NPR3: variants seen among roughly 807,000 people sequenced by gnomAD.
The protein encoded by NPR3 is natriuretic peptide receptor 3.
NPR3 carries 34 observed loss-of-function variants against 54.5 expected under a neutral mutation model. The observed-to-expected ratio is 0.62, with a 90% confidence interval of 0.47 to 0.83. The LOEUF (loss-of-function observed/expected upper bound fraction) is 0.83, where lower values mean the gene tolerates loss of function less well. NPR3 is among the 40% of genes least tolerant of loss of function. The pLI, the probability that NPR3 is intolerant of heterozygous loss-of-function variation, is 0.00. For synonymous variants in NPR3, 289 were observed against 297.1 expected, an observed-to-expected ratio of 0.97 and a Z score of 0.28; for missense variants, 674 against 720.8, an observed-to-expected ratio of 0.94 and a Z score of 0.74.
At chr5:32,762,021 T>G (rs1050957442) in intron 3 of NPR3, among the ~76,000 whole-genome samples, 2 of 152,156 alleles carry the variant, frequency 1.3e-5, no homozygotes, top group Admixed American at 1.3e-4. Context: ...CAACTCCCAC[T>G]TATGAGTGAG....
At chr5:32,778,252 T>G (rs1272398534) in intron 4 of NPR3, among the ~76,000 whole-genome samples, 6 of 152,214 alleles carry the variant, frequency 3.9e-5, no homozygotes, top group Admixed American at 2.6e-4. Context: ...TTTGTTTAAA[T>G]GTAAAGATAA....
At position 32,760,122 on chromosome 5, in the gene NPR3, G is replaced by C. The variant is rs141572836; in HGVS notation, c.1060-14586G>C. Reference sequence around the variant, plus strand: ...TTGTTTATCTATTCTTCTGTTGATGGATGTTTTTTTTTTTCCAGTTTGGAA... The same window carrying C: ...TTGTTTATCTATTCTTCTGTTGATGCATGTTTTTTTTTTTCCAGTTTGGAA... On this transcript the variant is annotated intron_variant, in intron 3 of 7. Transcript: ENST00000265074. Among the ~76,000 whole-genome samples, 106 of 149,460 alleles carry C rather than the reference G, an allele frequency of 7.1e-4. No homozygotes were observed. The East Asian group carries it at 0.02, about 29-fold the overall frequency.
chr5:32,756,761 C>A (rs1042018312), intron 3 of NPR3, among the ~76,000 whole-genome samples: 6 of 151,992 alleles, frequency 3.9e-5, no homozygotes, highest in African/African-American at 1.4e-4. Context: ...TCTTTAATCC[C>A]TCTTGAATTA....
At chr5:32,761,012 C>A (rs1013859664) in intron 3 of NPR3, among the ~76,000 whole-genome samples, 2 of 152,044 alleles carry the variant, frequency 1.3e-5, no homozygotes, top group African/African-American at 4.8e-5. Flanking sequence ...TTATTCTGTT[C>A]CATTTATCTA....
Position 32,739,009 on chromosome 5 carries a change from A to G in NPR3, c.1038A>G (p.Gln346=), listed in dbSNP as rs1292864965. ...AGGTGAAAAGTTCAGTTGAGAAACA[A>G]GGGCTCAATATGGAGGATTACGTAA... ...SMEVKSSVEK[Q]GLNMEDYVNM... The change falls in exon 3 of 8, where the codon CAA becomes CAG. Residue 346 remains glutamine (Q), a synonymous_variant. Coordinates refer to ENST00000265074, the MANE Select transcript of NPR3 (RefSeq NM_001204375.2). 1.2e-6 allele frequency: 2 copies of G among 1,613,840 alleles called. No individual in the cohort carries two copies. Among genetic ancestry groups the G allele is most frequent in the South Asian group, 1.1e-5 (1 of 91,072 alleles).
intron 3 of NPR3, among the ~76,000 whole-genome samples, chr5:32,751,026 G>A (rs1740548237): frequency 6.6e-6 from 1 of 152,082 alleles, no homozygotes; most frequent in South Asian, 2.1e-4. Context: ...TTAAAAATGC[G>A]TCTTTCCTAC....
At chr5:32,784,371 T>G (rs150683349) in intron 6 of NPR3, among the ~76,000 whole-genome samples, 43 of 152,296 alleles carry the variant, frequency 2.8e-4, no homozygotes, top group African/African-American at 9.6e-4. Flanking sequence ...GTATTTTTAG[T>G]AGAGATAGGG....
intron 1 of NPR3, among the ~76,000 whole-genome samples, chr5:32,717,178 T>A (rs1018811718): frequency 7.2e-5 from 11 of 152,218 alleles, no homozygotes; most frequent in Non-Finnish European, 1.6e-4. Flanking sequence ...GCAAAGGACA[T>A]GAACTCAGCC....
At chr5:32,740,261 G>C (rs1739970443) in intron 3 of NPR3, among the ~76,000 whole-genome samples, 1 of 152,152 alleles carries the variant, frequency 6.6e-6, no homozygotes, top group Non-Finnish European at 1.5e-5. Flanking sequence ...AAATTGCTCA[G>C]TTTCCCCGAT....
intron 1 of NPR3, among the ~76,000 whole-genome samples, chr5:32,718,316 A>G (rs192533201): frequency 3.6e-4 from 55 of 152,302 alleles, no homozygotes; most frequent in African/African-American, 1.3e-3. Flanking sequence ...TTGTCTTGGC[A>G]ATGCCAGCTC....
chr5:32,738,547 A>C (rs11749556), intron 2 of NPR3, among the ~76,000 whole-genome samples: 8,883 of 152,276 alleles, frequency 0.058, 295 homozygotes, highest in Non-Finnish European at 0.072. Context: ...ATAAAAACTG[A>C]GTTCTTTCTC....
chr5:32,734,588 A>C (rs1739631124), intron 2 of NPR3, among the ~76,000 whole-genome samples: 1 of 152,286 alleles, frequency 6.6e-6, no homozygotes, highest in South Asian at 2.1e-4. Flanking sequence ...GCTTTCCTCA[A>C]GGTCACCAGT....
chr5:32,758,890 C>T lies in NPR3; in HGVS notation c.1060-15818C>T, dbSNP rs1240894873. On this transcript the variant is annotated intron_variant, in intron 3 of 7. Coordinates refer to ENST00000265074, the MANE Select transcript of NPR3 (RefSeq NM_001204375.2). ...AGTAGTCATTCAGGAGCAGGTTGTT[C>T]AGTTTCCATGTAGTTGAGCAGTTTT... Among the ~76,000 whole-genome samples, 2 of 152,158 alleles carry T rather than the reference C, an allele frequency of 1.3e-5. 1 individual carries two copies. Among genetic ancestry groups the T allele is most frequent in the Non-Finnish European group, 2.9e-5 (2 of 68,030 alleles).
chr5:32,773,758 C>T (rs1426804093), intron 3 of NPR3, among the ~76,000 whole-genome samples: 1 of 152,146 alleles, frequency 6.6e-6, no homozygotes, highest in Non-Finnish European at 1.5e-5. Flanking sequence ...ACTTTAAAGC[C>T]CACATAATAT....
At chr5:32,704,112 T>C (rs1352919145) in intron 1 of NPR3, among the ~76,000 whole-genome samples, 1 of 152,184 alleles carries the variant, frequency 6.6e-6, no homozygotes, top group Admixed American at 6.5e-5. Context: ...TTCTGCCCAG[T>C]ATTTCTTTCT....
Position 32,739,124 on chromosome 5 carries a change from C to A in NPR3, c.1059+94C>A, listed in dbSNP as rs932553348. 5 of 1,263,990 alleles carry A rather than the reference C, an allele frequency of 4.0e-6. No individual in the cohort carries two copies. In the African/African-American group the frequency reaches 4.5e-5, roughly 11 times the overall value. The allele number at this position is 1,263,990 out of a possible 1,614,324, so 78.3% of individuals were successfully genotyped here. A position where few individuals can be genotyped will look rare whatever the true frequency, so the allele number is the denominator to read the frequency against. ...ACAGAGTGTCCCATTCTGAGCCATT[C>A]AAAAATTCCTAGGTTCAGGTCTGAA... On this transcript the variant is annotated intron_variant, in intron 3 of 7. Coordinates refer to ENST00000265074, the MANE Select transcript of NPR3 (RefSeq NM_001204375.2).
rs578091447 is a variant in NPR3 at position 32,740,471 on chromosome 5, A to G, written c.1059+1441A>G. ...ACATTTTATTAATGTTTTAAATGTT[A>G]CATATACTATATTCACATCATTTAA... On this transcript the variant is annotated intron_variant, in intron 3 of 7. Transcript: ENST00000265074. Among the ~76,000 whole-genome samples the G allele has an allele frequency of 6.0e-4, 92 of 152,314 alleles. 1 individual carries two copies. Among genetic ancestry groups the G allele is most frequent in the African/African-American group, 2.2e-3 (90 of 41,570 alleles).
chr5:32,732,098 G>C (rs372559211), intron 2 of NPR3, among the ~76,000 whole-genome samples: 1 of 151,456 alleles, frequency 6.6e-6, no homozygotes, highest in Non-Finnish European at 1.5e-5. Context: ...AAAATTAGCC[G>C]GGCACGGTGG....
chr5:32,718,771 A>T (rs1293736763), intron 1 of NPR3, among the ~76,000 whole-genome samples: 6 of 152,206 alleles, frequency 3.9e-5, no homozygotes, highest in Non-Finnish European at 8.8e-5. Flanking sequence ...GGTTTTCTAA[A>T]TATACAGTCA....
Sources: gnomAD v4.1 joint callset for allele counts (sites outside exome capture counted in the v4.1 genomes callset) on GRCh38, gnomAD v4.1.1 for gene constraint, MANE v1.5 for transcripts, NCBI Gene and HGNC (gene_info 2026-07-23, HGNC 2026-07-21) for gene names.